Variants in FBXO44 observed in about 807,000 individuals in gnomAD.
FBXO44 encodes F-box protein 44.
In FBXO44, 25 loss-of-function variants were observed where a neutral mutation model predicts 33.5. The observed-to-expected ratio is 0.75, with a 90% CI of 0.54 to 1.04. FBXO44 has a LOEUF of 1.04. FBXO44 is among the 50% of genes least tolerant of loss of function. The pLI is 0.00. For missense variants in FBXO44, 311 were observed against 344.0 expected (o/e 0.90, Z 0.76); for synonymous variants, 147 against 152.8 (o/e 0.96, Z 0.28).
Position 11,661,100 on chromosome 1 carries a change from C to T in FBXO44, c.625-30C>T. ...ACCCAGCCTGAGTCAGCTCCCTTGA[C>T]CTTTCTCCCCCCTCTACCTGCCCTG... On this transcript the variant is annotated intron_variant, in intron 5 of 5. Coordinates refer to ENST00000251547, the MANE Select transcript of FBXO44 (RefSeq NM_033182.7). This position sits in a 1 kb window ranked among gnomAD's most constrained non-coding sequence, Gnocchi z 4.4. 1 of 1,596,294 alleles carries T rather than the reference C, an allele frequency of 6.3e-7. No individual in the cohort carries two copies.
rs764504216 is a variant in FBXO44 at position 11,661,209 on chromosome 1, G to A, written c.704G>A (p.Trp235Ter). 4.3e-6 allele frequency: 7 copies of A among 1,614,104 alleles called. No individual in the cohort carries two copies. The East Asian group carries it at 1.6e-4, about 36-fold the overall frequency. ...FQHGGVDTHY[W>*]AGWYGPRVTN... ...CACGGCGGCGTGGACACTCATTACT[G>A]GGCCGGCTGGTACGGCCCGAGGGTC... Residue 235 changes from tryptophan to a stop codon, truncating the protein, a stop_gained, in exon 6 of 6, where the codon TGG (tryptophan) becomes TAG (stop). Transcript: ENST00000251547. LOFTEE classifies it high-confidence loss of function. This position sits in a 1 kb window ranked among gnomAD's most constrained non-coding sequence, Gnocchi z 4.4.
chr1:11,661,409 T>C lies in FBXO44; in HGVS notation c.*136T>C. On this transcript the variant is annotated 3_prime_UTR_variant, in exon 6 of 6. Coordinates refer to ENST00000251547, the MANE Select transcript of FBXO44 (RefSeq NM_033182.7). This position sits in a 1 kb window ranked among gnomAD's most constrained non-coding sequence, Gnocchi z 4.4. ...CTTGCCCCTAGCAGCCTCTTCTTTG[T>C]GGAGCCTCTCAGTGTGGGCAGCCCT... 1 of 1,347,544 alleles carries C rather than the reference T, an allele frequency of 7.4e-7. No homozygotes were observed. Among genetic ancestry groups the C allele is most frequent in the Non-Finnish European group, 1.0e-6 (1 of 985,124 alleles). The allele number at this position is 1,347,544 out of a possible 1,614,324, so 83.5% of individuals were successfully genotyped here.
rs1427598746 is a variant in FBXO44 at position 11,661,141 on chromosome 1, A to G, written c.636A>G (p.Thr212=). The part of the protein sequence containing the change: ...SDAKWREVSH[T]FSNYPPGVRY... ...ACCTGCCCTGCCAGGTCTCCCACAC[A>G]TTCTCCAACTACCCGCCCGGCGTCC... The change falls in exon 6 of 6, where the codon ACA becomes ACG. Residue 212 remains threonine (T), a synonymous_variant. Transcript: ENST00000251547. The surrounding 1 kb of genome is among the most constrained non-coding windows in gnomAD (Gnocchi z 4.4). 6.2e-7 allele frequency: 1 copy of G among 1,612,540 alleles called. No homozygotes were observed. The highest frequency in any genetic ancestry group is 1.7e-5 in the Admixed American group (1 of 59,948).
rs763076654 is a variant in FBXO44, at chr1:11,658,554, G to T, written c.414G>T (p.Val138=). The T allele has an allele frequency of 6.0e-5, 97 of 1,613,070 alleles. No homozygotes were observed. Among genetic ancestry groups the T allele is most frequent in the Non-Finnish European group, 7.9e-5 (93 of 1,179,984 alleles). The stretch of plus-strand genomic sequence containing the variant: ...CCAGCACCTGCCTCAAGTCCCAGGT[G>T]GTGGACCTCAAGGCCGAAGGGTATT... ...TSYYTCLKSQ[V]VDLKAEGYWE... Residue 138 remains valine (V), a synonymous_variant, in exon 4 of 6, where the codon GTG becomes GTT. Coordinates refer to ENST00000251547, the MANE Select transcript of FBXO44 (RefSeq NM_033182.7).
At chr1:11,659,384 AAAAAG>A (rs1238617878) in intron 5 of FBXO44, among the ~76,000 whole-genome samples, 7 of 152,100 alleles carry the variant, frequency 4.6e-5, no homozygotes, top group Non-Finnish European at 1.0e-4. Context: ...ATCTCAACAA[AAAAAG>A]AAAAGAAAAG....
intron 3 of FBXO44, 64 bp downstream of exon 3, chr1:11,658,457 C>A: frequency 6.2e-7 from 1 of 1,611,268 alleles, no homozygotes; most frequent in Non-Finnish European, 8.5e-7. Context: ...TCTCTCCCAC[C>A]CTGGAAGGGG....
At chr1:11,658,069 C>A (rs1639928949) in intron 2 of FBXO44, among the ~76,000 whole-genome samples, 198 bp from the exon 3 acceptor site, 1 of 152,146 alleles carries the variant, frequency 6.6e-6, no homozygotes, top group Admixed American at 6.5e-5. Flanking sequence ...CTCAGGGCCC[C>A]CAGGGAAGTC....
At chr1:11,657,895 T>G (rs992634624) in intron 2 of FBXO44, among the ~76,000 whole-genome samples, 5 of 152,280 alleles carry the variant, frequency 3.3e-5, no homozygotes, top group African/African-American at 1.2e-4. Flanking sequence ...CTATTCTTAC[T>G]CCAGTTTACA....
rs753906041 is a variant in FBXO44 at position 11,661,300 on chromosome 1, C to G, written c.*27C>G. 1.2e-6 allele frequency: 2 copies of G among 1,613,208 alleles called. No individual in the cohort carries two copies. Among genetic ancestry groups the G allele is most frequent in the Non-Finnish European group, 1.7e-6 (2 of 1,179,558 alleles). On this transcript the variant is annotated 3_prime_UTR_variant, in exon 6 of 6. Coordinates refer to ENST00000251547, the MANE Select transcript of FBXO44 (RefSeq NM_033182.7). The surrounding 1 kb of genome is among the most constrained non-coding windows in gnomAD (Gnocchi z 4.4). Reference sequence around the variant, plus strand: ...ACCCCCTGAGCCCCCATCTGCTGAACCCTGACTGGTAAACAACTGCTGTCA... The same window carrying G: ...ACCCCCTGAGCCCCCATCTGCTGAAGCCTGACTGGTAAACAACTGCTGTCA...
chr1:11,658,310 G>A lies in FBXO44; in HGVS notation c.309G>A (p.Glu103=). The A allele has an allele frequency of 6.2e-7, 1 of 1,613,502 alleles. No homozygotes were observed. The highest frequency in any genetic ancestry group is 8.5e-7 in the Non-Finnish European group (1 of 1,179,846). Reference sequence around the variant, plus strand: ...GCCTGGATGTGAATGGAGGCGATGAGTGGAAGGTGGAGGATCTCTCTCGAG... The same window carrying A: ...GCCTGGATGTGAATGGAGGCGATGAATGGAAGGTGGAGGATCTCTCTCGAG... ...FWSLDVNGGD[E]WKVEDLSRDQ... Residue 103 remains glutamate (E), a synonymous_variant, in exon 3 of 6, where the codon GAG becomes GAA. Transcript: ENST00000251547.
intron 2 of FBXO44, 134 bp downstream of exon 2, chr1:11,656,234 G>A: frequency 8.1e-7 from 1 of 1,229,840 alleles, no homozygotes; most frequent in South Asian, 1.5e-5. Context: ...ACCCAAAGAG[G>A]TAGCTACTGT....
chr1:11,654,529 T>A, upstream of FBXO44: 1 of 433,124 alleles, frequency 2.3e-6, no homozygotes, highest in Non-Finnish European at 3.8e-6. Context: ...CCCAGCAGTC[T>A]GCTCGAGGCC....
intron 5 of FBXO44, among the ~76,000 whole-genome samples, chr1:11,659,293 G>A (rs898383390): frequency 2.0e-5 from 3 of 152,222 alleles, no homozygotes; most frequent in Non-Finnish European, 4.4e-5. Context: ...CAGAAGAATC[G>A]CTTGAATCCA....
At chr1:11,655,744 C>T (rs745553525) in intron 1 of FBXO44, 62 bp from the exon 2 acceptor site, 4 of 1,526,056 alleles carry the variant, frequency 2.6e-6, no homozygotes, top group Non-Finnish European at 3.6e-6. Flanking sequence ...GGGAGAGGCA[C>T]CATGCTCTCC....
Position 11,655,913 on chromosome 1 carries a change from G to T in FBXO44, c.78G>T (p.Leu26=). ...TCACGCACGTGCCCGCCCGCCAGCT[G>T]CTGCTGAACTGCCGCCTGGTCTGCA... is the stretch of plus-strand genomic sequence containing the variant. The part of the protein sequence containing the change: ...ELFTHVPARQ[L]LLNCRLVCSL... The change falls in exon 2 of 6, where the codon CTG becomes CTT. Residue 26 remains leucine (L), a synonymous_variant. Transcript: ENST00000251547. The T allele has an allele frequency of 6.2e-7, 1 of 1,613,928 alleles. No homozygotes were observed. The highest frequency in any genetic ancestry group is 8.5e-7 in the Non-Finnish European group (1 of 1,180,036).
Position 11,655,679 on chromosome 1 carries a change from C to T in FBXO44, c.-30-127C>T, listed in dbSNP as rs1278108010. ...CCTGATGTGTCCCAAGCTCCTTGGA[C>T]CGCCCCAGTGACCCCTGGAGGTAAG... On this transcript the variant is annotated intron_variant, in intron 1 of 5. Coordinates refer to ENST00000251547, the MANE Select transcript of FBXO44 (RefSeq NM_033182.7). 3.1e-6 allele frequency: 3 copies of T among 959,650 alleles called. No individual in the cohort carries two copies. The East Asian group carries it at 7.8e-5, about 25-fold the overall frequency. The allele number at this position is 959,650 out of a possible 1,614,324, so 59.4% of individuals were successfully genotyped here.
intron 5 of FBXO44, among the ~76,000 whole-genome samples, 156 bp from the exon 6 acceptor site, chr1:11,660,974 A>ACT (rs1640145093): frequency 8.7e-6 from 1 of 115,348 alleles, no homozygotes; most frequent in Non-Finnish European, 1.6e-5. Context: ...ATGGTATCTC[A>ACT]CTCTCTGGTT....
Position 11,661,112 on chromosome 1 carries a change from C to T in FBXO44, c.625-18C>T, listed in dbSNP as rs761857270. ...TCAGCTCCCTTGACCTTTCTCCCCC[C>T]TCTACCTGCCCTGCCAGGTCTCCCA... is the stretch of plus-strand genomic sequence containing the variant. On this transcript the variant is annotated intron_variant, in intron 5 of 5. Coordinates refer to ENST00000251547, the MANE Select transcript of FBXO44 (RefSeq NM_033182.7). This position sits in a 1 kb window ranked among gnomAD's most constrained non-coding sequence, Gnocchi z 4.4. 3 of 1,603,610 alleles carry T rather than the reference C, an allele frequency of 1.9e-6. No homozygotes were observed. The highest frequency in any genetic ancestry group is 2.7e-5 in the African/African-American group (2 of 74,782).
At position 11,661,563 on chromosome 1, in the gene FBXO44, C is replaced by T; in HGVS notation, c.*290C>T. 2.4e-6 allele frequency: 1 copy of T among 423,046 alleles called. No homozygotes were observed. Among genetic ancestry groups the T allele is most frequent in the Non-Finnish European group, 4.2e-6 (1 of 237,484 alleles). 26.2% of individuals were successfully genotyped at this position (423,046 alleles called of 1,614,324 possible). A position where few individuals can be genotyped will look rare whatever the true frequency, so the allele number is the denominator to read the frequency against. On this transcript the variant is annotated 3_prime_UTR_variant, in exon 6 of 6. Transcript: ENST00000251547. This position sits in a 1 kb window ranked among gnomAD's most constrained non-coding sequence, Gnocchi z 4.4. The stretch of plus-strand genomic sequence containing the variant: ...GGAGGTGCAGCATGTTCCCCTGGGC[C>T]CCTCAGAAAGTCGAGCTTGGAGGCC...
Sources: allele counts gnomAD v4.1 joint callset (sites outside exome capture counted in the v4.1 genomes callset), GRCh38; gene constraint gnomAD v4.1.1; non-coding constraint Gnocchi (gnomAD v3.1); transcripts MANE v1.5; gene names NCBI Gene and HGNC (gene_info 2026-07-23, HGNC 2026-07-21).